Variants in CARMIL1 observed in about 807,000 individuals in gnomAD.
CARMIL1 encodes the protein capping protein regulator and myosin 1 linker 1.
Under a neutral mutation model 177.1 loss-of-function variants are expected in CARMIL1, and 90 were observed. That is an observed-to-expected ratio of 0.51 (90% CI 0.43 to 0.61). The LOEUF is 0.61. Among genes scored for constraint, CARMIL1 ranks in the 20% least tolerant of loss-of-function variants. CARMIL1 has a pLI of 0.00. For missense variants in CARMIL1, 1,380 were observed against 1,667.0 expected (o/e 0.83, Z 3.00); for synonymous variants, 577 against 606.2 (o/e 0.95, Z 0.71).
At chr6:25,571,118 CTAG>C (rs1345014533) in intron 29 of CARMIL1, among the ~76,000 whole-genome samples, 1 of 151,946 alleles carries the variant, frequency 6.6e-6, no homozygotes, top group African/African-American at 2.4e-5. Context: ...AGCTGAAAAT[CTAG>C]TAGTAAGTAT....
At chr6:25,542,541 A>C (rs1809025429) in intron 26 of CARMIL1, among the ~76,000 whole-genome samples, 1 of 151,990 alleles carries the variant, frequency 6.6e-6, no homozygotes, top group African/African-American at 2.4e-5. Context: ...CAGGCCTCCA[A>C]ATGGCCTTTT....
rs35585232 is a variant in CARMIL1, at chr6:25,306,879, C to CTT, written c.138+21988_138+21989dup. On this transcript the variant is annotated intron_variant, in intron 2 of 36. Coordinates refer to ENST00000329474, the MANE Select transcript of CARMIL1 (RefSeq NM_017640.6). ...CCACCTGTTTCCTGCAGTGCCTTGG[C>CTT]TTTTTTTTTTTTTTTTTTTGACGAG... Among the ~76,000 whole-genome samples the CTT allele has an allele frequency of 3.8e-3, 405 of 105,924 alleles. 3 individuals carry two copies. The highest frequency in any genetic ancestry group is 0.017 in the East Asian group (57 of 3,406). 69.5% of individuals were successfully genotyped at this position (105,924 alleles called of 152,430 possible).
chr6:25,619,734 T>A lies in CARMIL1; in HGVS notation c.*151T>A. On this transcript the variant is annotated 3_prime_UTR_variant, in exon 37 of 37. Coordinates refer to ENST00000329474, the MANE Select transcript of CARMIL1 (RefSeq NM_017640.6). ...TTCGCCCCCACCCCCATCCCCTGCC[T>A]TTTTTTTTTTTTTTTTTTTTTTTTT... The A allele has an allele frequency of 1.1e-4, 1 of 9,360 alleles. No individual in the cohort carries two copies. Among genetic ancestry groups the A allele is most frequent in the Non-Finnish European group, 2.1e-4 (1 of 4,796 alleles). 0.6% of individuals were successfully genotyped at this position (9,360 alleles called of 1,614,324 possible).
rs201541430 is a variant in CARMIL1 at position 25,556,911 on chromosome 6, T to TTG, written c.2742+62_2742+63insGT. The TTG allele has an allele frequency of 4.0e-3, 6,003 of 1,494,820 alleles. 58 individuals are homozygous for TTG. The African/African-American group carries it at 0.043, about 11-fold the overall frequency. The allele number at this position is 1,494,820 out of a possible 1,614,324, so 92.6% of individuals were successfully genotyped here. On this transcript the variant is annotated intron_variant, in intron 29 of 36. Transcript: ENST00000329474. ...TCACTGGACTGTGCCATTGTTTTTT[T>TTG]TTTTTTTTTTAAATCTCACCTTTTG...
intron 23 of CARMIL1, among the ~76,000 whole-genome samples, chr6:25,525,935 C>T (rs193088846): frequency 3.9e-5 from 6 of 152,010 alleles, no homozygotes; most frequent in East Asian, 3.9e-4. Context: ...AGATAGAAAA[C>T]AGTTACAAAC....
chr6:25,303,069 T>C (rs1278382216), intron 2 of CARMIL1, among the ~76,000 whole-genome samples: 1 of 152,114 alleles, frequency 6.6e-6, no homozygotes, highest in Non-Finnish European at 1.5e-5. Flanking sequence ...GTCTCATCAT[T>C]TAGATGAGAG....
chr6:25,343,233 G>C (rs1481665587), intron 2 of CARMIL1, among the ~76,000 whole-genome samples: 1 of 151,968 alleles, frequency 6.6e-6, no homozygotes, highest in African/African-American at 2.4e-5. Flanking sequence ...TGCAGAATAG[G>C]GATTAGAGAG....
intron 29 of CARMIL1, among the ~76,000 whole-genome samples, chr6:25,561,739 C>T (rs1422297779): frequency 2.0e-5 from 3 of 152,096 alleles, no homozygotes; most frequent in African/African-American, 7.2e-5. Context: ...GGTCGCCAAG[C>T]ACAGACTATT....
At chr6:25,482,826 T>G (rs1440871390) in intron 12 of CARMIL1, among the ~76,000 whole-genome samples, 1 of 151,352 alleles carries the variant, frequency 6.6e-6, no homozygotes, top group African/African-American at 2.4e-5. Flanking sequence ...CTAACTTCAC[T>G]CACCTTCATT....
chr6:25,388,964 T>G (rs1792469076), intron 2 of CARMIL1, among the ~76,000 whole-genome samples: 3 of 152,144 alleles, frequency 2.0e-5, no homozygotes, highest in Admixed American at 2.0e-4. Context: ...ATTACAGACA[T>G]GAGCCACCAC....
At chr6:25,444,432 T>C (rs1798036180) in intron 5 of CARMIL1, among the ~76,000 whole-genome samples, 1 of 152,080 alleles carries the variant, frequency 6.6e-6, no homozygotes, top group African/African-American at 2.4e-5. Flanking sequence ...CATGCAGGTT[T>C]GATACAAAGG....
chr6:25,418,755 A>G (rs928480466), intron 2 of CARMIL1, among the ~76,000 whole-genome samples: 1 of 152,172 alleles, frequency 6.6e-6, no homozygotes, highest in African/African-American at 2.4e-5. Flanking sequence ...AAATCAAGCC[A>G]CAAAAATGAT....
chr6:25,602,104 A>G (rs990421580), intron 33 of CARMIL1, among the ~76,000 whole-genome samples: 2 of 152,228 alleles, frequency 1.3e-5, no homozygotes, highest in Admixed American at 6.5e-5. Context: ...ATTAAACTCC[A>G]CTTCCCACCT....
chr6:25,339,158 C>T (rs4712911), intron 2 of CARMIL1, among the ~76,000 whole-genome samples: 5,896 of 152,220 alleles, frequency 0.039, 303 homozygotes, highest in East Asian at 0.26. Context: ...GGTGGTGTAG[C>T]GTCACCTCTC....
rs572904934 is a variant in CARMIL1, at chr6:25,446,383, T to A, written c.372-3515T>A. 8.5e-5 allele frequency among the ~76,000 whole-genome samples: 13 copies of A among 152,382 alleles called. No individual in the cohort carries two copies. In the East Asian group the frequency reaches 2.5e-3, roughly 29 times the overall value. The stretch of plus-strand genomic sequence containing the variant: ...TGGATAACTTGCTTCAGCTTCTTCA[T>A]CAGCACTTGCTCCTTCATCTTGTAC... On this transcript the variant is annotated intron_variant, in intron 5 of 36. Coordinates refer to ENST00000329474, the MANE Select transcript of CARMIL1 (RefSeq NM_017640.6).
At chr6:25,608,804 G>A (rs967498082) in intron 35 of CARMIL1, among the ~76,000 whole-genome samples, 2 of 152,158 alleles carry the variant, frequency 1.3e-5, no homozygotes, top group African/African-American at 4.8e-5. Flanking sequence ...AGAGAACGTG[G>A]CTGTAGATTG....
At chr6:25,574,517 A>G (rs1315191364) in intron 29 of CARMIL1, among the ~76,000 whole-genome samples, 1 of 152,238 alleles carries the variant, frequency 6.6e-6, no homozygotes, top group Non-Finnish European at 1.5e-5. Context: ...CAGATAATGT[A>G]ATAGCATCAT....
chr6:25,616,075 G>A (rs1816865036), intron 36 of CARMIL1, among the ~76,000 whole-genome samples: 1 of 152,100 alleles, frequency 6.6e-6, no homozygotes, highest in Admixed American at 6.5e-5. Flanking sequence ...AACTTTAGTA[G>A]TATGTAAAAT....
chr6:25,610,243 A>G, intron 36 of CARMIL1, 62 bp downstream of exon 36: 1 of 1,528,440 alleles, frequency 6.5e-7, no homozygotes, highest in East Asian at 2.3e-5. Flanking sequence ...ACATTTCAAA[A>G]TAAAGGAACT....
Sources: gnomAD v4.1 joint callset for allele counts (sites outside exome capture counted in the v4.1 genomes callset) on GRCh38, gnomAD v4.1.1 for gene constraint, MANE v1.5 for transcripts, NCBI Gene and HGNC (gene_info 2026-07-23, HGNC 2026-07-21) for gene names.